The following CSGALNACT1 variants were observed in gnomAD, a reference collection of about 807,000 sequenced individuals.
CSGALNACT1 encodes beta4GalNAcT-1.
A neutral mutation model predicts 51.0 loss-of-function variants in CSGALNACT1; 52 were observed. The ratio of observed to expected loss-of-function variants is 1.02; its 90% confidence interval spans 0.82 to 1.29. The LOEUF (loss-of-function observed/expected upper bound fraction) is 1.29, where lower values mean the gene tolerates loss of function less well. Among genes scored for constraint, CSGALNACT1 ranks in the 50% most tolerant of loss-of-function variants. The pLI is 0.00. For synonymous variants in CSGALNACT1, 341 were observed against 254.4 expected (o/e 1.34, Z -3.24); for missense variants, 935 against 679.2 (o/e 1.38, Z -4.19).
intron 1 of CSGALNACT1, among the ~76,000 whole-genome samples, chr8:19,702,993 T>C (rs1405416966): frequency 3.9e-5 from 6 of 152,040 alleles, no homozygotes; most frequent in African/African-American, 1.2e-4. Context: ...TTATATCTCA[T>C]CTGATCAACA....
At chr8:19,505,590 A>T (rs1409405153) in exon 4 of CSGALNACT1, 1 of 1,613,864 alleles carries the variant, frequency 6.2e-7, no homozygotes, top group Non-Finnish European at 8.5e-7. Flanking sequence ...CTCCTCCTTG[A>T]GCTGTGCGAT....
intron 1 of CSGALNACT1, among the ~76,000 whole-genome samples, chr8:19,668,928 C>G (rs2059584845): frequency 6.6e-6 from 1 of 152,168 alleles, no homozygotes; most frequent in Non-Finnish European, 1.5e-5. Flanking sequence ...TACTAGGAAA[C>G]CTTTTGAAAT....
intron 3 of CSGALNACT1, among the ~76,000 whole-genome samples, chr8:19,513,907 A>C (rs1299412620): frequency 6.6e-6 from 1 of 152,202 alleles, no homozygotes; most frequent in Non-Finnish European, 1.5e-5. Context: ...GTTACACATC[A>C]CATAACTATA....
At chr8:19,531,263 G>C (rs573352584) in intron 3 of CSGALNACT1, among the ~76,000 whole-genome samples, 26 of 152,130 alleles carry the variant, frequency 1.7e-4, no homozygotes, top group Non-Finnish European at 3.4e-4. Context: ...TTCTTAAAAA[G>C]AATGTAACAT....
In CSGALNACT1 at chr8:19,751,718, G is replaced by A. The variant is rs151134316; in HGVS notation, c.-297+6132C>T. The stretch of plus-strand genomic sequence containing the variant: ...GGCAGACTTCCCCCTTGCTGTTCTC[G>A]TGATAGAGTTCTCATGAGATCTGGT... On this transcript the variant is annotated intron_variant, in intron 1 of 1. Coordinates refer to the CSGALNACT1 transcript ENST00000517494. Among the ~76,000 whole-genome samples, 146 of 152,178 alleles carry A rather than the reference G, an allele frequency of 9.6e-4. 3 individuals are homozygous for A. The highest frequency in any genetic ancestry group is 1.5e-4 in the Non-Finnish European group (10 of 68,004).
At chr8:19,695,474 G>C (rs2061538912) in intron 1 of CSGALNACT1, among the ~76,000 whole-genome samples, 1 of 152,066 alleles carries the variant, frequency 6.6e-6, no homozygotes, top group Non-Finnish European at 1.5e-5. Context: ...TCTATAACAA[G>C]GAAGTTGGAC....
intron 1 of CSGALNACT1, among the ~76,000 whole-genome samples, chr8:19,675,627 G>C (rs1217984444): frequency 6.6e-6 from 1 of 152,014 alleles, no homozygotes; most frequent in African/African-American, 2.4e-5. Flanking sequence ...TGAGTAGCTG[G>C]GATTACAGGC....
chr8:19,656,513 A>G (rs1437994289), intron 1 of CSGALNACT1, among the ~76,000 whole-genome samples: 2 of 151,948 alleles, frequency 1.3e-5, no homozygotes, highest in African/African-American at 4.8e-5. Context: ...AATATTCAGG[A>G]AACTGAATTT....
intron 2 of CSGALNACT1, among the ~76,000 whole-genome samples, chr8:19,600,647 T>G (rs979113201): frequency 2.6e-5 from 4 of 152,184 alleles, no homozygotes; most frequent in African/African-American, 4.8e-5. Context: ...TATTTTTGTT[T>G]GTATTATTAA....
At chr8:19,455,160 A>G (rs2063853893) in intron 5 of CSGALNACT1, among the ~76,000 whole-genome samples, 1 of 152,234 alleles carries the variant, frequency 6.6e-6, no homozygotes, top group South Asian at 2.1e-4. Flanking sequence ...GTGCTGTTCT[A>G]CACTGCTTAA....
At chr8:19,482,296 A>C (rs2071618898) in intron 4 of CSGALNACT1, among the ~76,000 whole-genome samples, 1 of 152,190 alleles carries the variant, frequency 6.6e-6, no homozygotes, top group Non-Finnish European at 1.5e-5. Flanking sequence ...ATTTTAATTA[A>C]TTTTTGTTTA....
chr8:19,545,051 G>T (rs565417095), intron 3 of CSGALNACT1, among the ~76,000 whole-genome samples: 1 of 151,660 alleles, frequency 6.6e-6, no homozygotes, highest in Admixed American at 6.6e-5. Flanking sequence ...GATAAATCAC[G>T]ACGACACAGC....
chr8:19,564,772 T>TC (rs780559319), intron 3 of CSGALNACT1, among the ~76,000 whole-genome samples: 30 of 152,238 alleles, frequency 2.0e-4, no homozygotes, highest in Admixed American at 7.2e-4. Flanking sequence ...TAGCACTTTT[T>TC]CTGTAGTATT....
At chr8:19,538,488 G>T (rs1358719733) in intron 3 of CSGALNACT1, among the ~76,000 whole-genome samples, 1 of 152,136 alleles carries the variant, frequency 6.6e-6, no homozygotes, top group African/African-American at 2.4e-5. Flanking sequence ...AATGAGAATG[G>T]GGGCAACAAA....
intron 3 of CSGALNACT1, among the ~76,000 whole-genome samples, chr8:19,555,103 G>C (rs2089383446): frequency 2.0e-5 from 3 of 151,912 alleles, no homozygotes; most frequent in Admixed American, 2.0e-4. Flanking sequence ...GCCGGGCGTG[G>C]TGCTGAGCGC....
intron 3 of CSGALNACT1, among the ~76,000 whole-genome samples, chr8:19,512,682 A>G (rs2078686364): frequency 6.6e-6 from 1 of 152,226 alleles, no homozygotes; most frequent in Admixed American, 6.5e-5. Context: ...CGACTTGTCT[A>G]AAACCACACA....
chr8:19,630,226 GTGTGTGTGTGTGTGTGTA>G (rs1178312943), intron 1 of CSGALNACT1, among the ~76,000 whole-genome samples: 71 of 148,982 alleles, frequency 4.8e-4, no homozygotes, highest in Admixed American at 1.8e-3. Flanking sequence ...GTGTGTGTGT[GTGTGTGTGTGTGTGTGTA>G]TGTGTGTGTG....
chr8:19,747,584 C>T lies in CSGALNACT1; in HGVS notation c.-297+10266G>A, dbSNP rs117774707. On this transcript the variant is annotated intron_variant, in intron 1 of 1. Coordinates refer to the CSGALNACT1 transcript ENST00000517494. Reference sequence around the variant, plus strand: ...ACCCAAAATGTTGAACCAGCTTACTCGATCCAACAAAGTGACTATTTTCTG... The same window carrying T: ...ACCCAAAATGTTGAACCAGCTTACTTGATCCAACAAAGTGACTATTTTCTG... Among the ~76,000 whole-genome samples the T allele has an allele frequency of 3.8e-3, 577 of 152,326 alleles. 5 individuals carry two copies. Among genetic ancestry groups the T allele is most frequent in the Middle Eastern group, 0.017 (5 of 294 alleles).
intron 1 of CSGALNACT1, among the ~76,000 whole-genome samples, chr8:19,642,552 C>T (rs2056845555): frequency 6.6e-6 from 1 of 152,138 alleles, no homozygotes; most frequent in Non-Finnish European, 1.5e-5. Flanking sequence ...GGGTGGATCA[C>T]TTGAGCTCAG....
Sources: allele counts gnomAD v4.1 joint callset (sites outside exome capture counted in the v4.1 genomes callset), GRCh38; gene constraint gnomAD v4.1.1; transcripts MANE v1.5; gene names NCBI Gene and HGNC (gene_info 2026-07-23, HGNC 2026-07-21).